DLGAP2: variants seen among roughly 807,000 people sequenced by gnomAD.
DLGAP2 encodes disks large-associated protein 2.
In DLGAP2, 26 loss-of-function variants were observed where a neutral mutation model predicts 100.3. The ratio of observed to expected loss-of-function variants is 0.26; its 90% CI spans 0.19 to 0.36. DLGAP2 has a LOEUF of 0.36. Ranked by LOEUF, DLGAP2 falls within the 10% of genes least tolerant of loss-of-function variation. The probability of loss-of-function intolerance (pLI) is 1.00; values close to 1 mark genes in which losing one functional copy is unlikely to be tolerated. For synonymous variants in DLGAP2, 886 were observed against 630.1 expected (o/e 1.41, Z -6.08); for missense variants, 1,858 against 1,453.2 (o/e 1.28, Z -4.53).
At chr8:1,632,219 G>A (rs1363697184) in intron 7 of DLGAP2, among the ~76,000 whole-genome samples, 3 of 152,268 alleles carry the variant, frequency 2.0e-5, no homozygotes, top group Non-Finnish European at 4.4e-5. Context: ...TCATGTGGAC[G>A]AAAACACCAG....
Position 777,891 on chromosome 8 carries a change from C to T in DLGAP2, c.18+40066C>T, listed in dbSNP as rs557688503. Among the ~76,000 whole-genome samples, 1,047 of 152,210 alleles carry T rather than the reference C, an allele frequency of 6.9e-3. 9 individuals are homozygous for T. Among genetic ancestry groups the T allele is most frequent in the African/African-American group, 0.021 (877 of 41,508 alleles). On this transcript the variant is annotated intron_variant, in intron 1 of 14. Transcript: ENST00000637795. ...CTCTGTGTTTCCTGAATCTGAACGTCGGCCTGCCTTGCTAGATTGGGGAAG... is the reference window on the plus strand; with the variant it reads ...CTCTGTGTTTCCTGAATCTGAACGTTGGCCTGCCTTGCTAGATTGGGGAAG...
At chr8:1,040,519 G>A (rs893911176) in intron 2 of DLGAP2, among the ~76,000 whole-genome samples, 3 of 147,030 alleles carry the variant, frequency 2.0e-5, no homozygotes, top group Admixed American at 6.8e-5. Flanking sequence ...TGGTTGGCTC[G>A]GTTTCCGTGG....
chr8:1,437,050 T>C (rs957001640), intron 3 of DLGAP2, among the ~76,000 whole-genome samples: 74 of 149,238 alleles, frequency 5.0e-4, no homozygotes, highest in Admixed American at 6.0e-4. Context: ...CGCGTAAGGG[T>C]GACGCCATCC....
At chr8:1,646,445 T>G (rs1404023013) in intron 8 of DLGAP2, among the ~76,000 whole-genome samples, 1 of 152,188 alleles carries the variant, frequency 6.6e-6, no homozygotes, top group Non-Finnish European at 1.5e-5. Flanking sequence ...CTATCGTCTG[T>G]CCATCCATCC....
chr8:807,188 C>A (rs1796286545), intron 1 of DLGAP2, among the ~76,000 whole-genome samples: 1 of 152,236 alleles, frequency 6.6e-6, no homozygotes, highest in African/African-American at 2.4e-5. Context: ...ACTCCGAGTT[C>A]TTCTCTGGTG....
chr8:1,671,674 G>A (rs1171861215), intron 10 of DLGAP2, among the ~76,000 whole-genome samples: 1 of 152,224 alleles, frequency 6.6e-6, no homozygotes, highest in Non-Finnish European at 1.5e-5. Flanking sequence ...AGGGTCCTCA[G>A]CTCACACCTC....
In DLGAP2 at chr8:1,214,970, C is replaced by T. The variant is rs767087066; in HGVS notation, c.74-43881C>T. On this transcript the variant is annotated intron_variant, in intron 2 of 14. Coordinates refer to ENST00000637795, the MANE Select transcript of DLGAP2 (RefSeq NM_001346810.2). ...TGCGTTTAAAAATGCAGTGCAATCT[C>T]GTTTCGGGAGAGCACTCTGTGCTCT... Among the ~76,000 whole-genome samples, 4 of 152,296 alleles carry T rather than the reference C, an allele frequency of 2.6e-5. No individual in the cohort carries two copies. In the South Asian group the frequency reaches 8.3e-4, roughly 32 times the overall value.
At chr8:1,618,916 T>A in intron 6 of DLGAP2, among the ~76,000 whole-genome samples, 1 of 152,066 alleles carries the variant, frequency 6.6e-6, no homozygotes, top group East Asian at 1.9e-4. Context: ...ACTCAAAATA[T>A]CTCCATACAT....
chr8:1,430,184 C>A (rs1179535476), intron 3 of DLGAP2, among the ~76,000 whole-genome samples: 1 of 150,930 alleles, frequency 6.6e-6, no homozygotes, highest in Non-Finnish European at 1.5e-5. Flanking sequence ...ACATTCTCTG[C>A]AAAAATACTT....
At chr8:1,197,039 G>C (rs1797766452) in intron 2 of DLGAP2, among the ~76,000 whole-genome samples, 1 of 152,172 alleles carries the variant, frequency 6.6e-6, no homozygotes, top group South Asian at 2.1e-4. Flanking sequence ...TGGTCAGGAG[G>C]AGATGGAGGC....
intron 3 of DLGAP2, among the ~76,000 whole-genome samples, chr8:1,261,769 A>G (rs1799355557): frequency 6.6e-6 from 1 of 152,240 alleles, no homozygotes; most frequent in South Asian, 2.1e-4. Flanking sequence ...TATTTTTAAA[A>G]TCATTTAAGT....
At chr8:1,501,469 G>A (rs1180508183) in intron 4 of DLGAP2, 38 bp downstream of exon 4, 21 of 1,530,418 alleles carry the variant, frequency 1.4e-5, no homozygotes, top group South Asian at 2.4e-5. Context: ...GGCGGGGCCC[G>A]GACAGAACCG....
chr8:1,488,010 A>G (rs1167592611), intron 3 of DLGAP2, among the ~76,000 whole-genome samples: 1 of 138,798 alleles, frequency 7.2e-6, no homozygotes, highest in Non-Finnish European at 1.6e-5. Context: ...TCGCTTTGAA[A>G]GGAGTTTCCA....
chr8:838,413 T>A (rs1173041812), intron 1 of DLGAP2, among the ~76,000 whole-genome samples: 1 of 151,844 alleles, frequency 6.6e-6, no homozygotes. Flanking sequence ...TATTTTATTT[T>A]ATTTTAATTT....
At chr8:1,330,502 C>A (rs1265921015) in intron 3 of DLGAP2, among the ~76,000 whole-genome samples, 1 of 136,004 alleles carries the variant, frequency 7.4e-6, no homozygotes, top group African/African-American at 2.8e-5. Context: ...GGTGGGAGCA[C>A]CGCTTCACGG....
chr8:1,586,581 A>G (rs907747609), intron 6 of DLGAP2, among the ~76,000 whole-genome samples: 4 of 152,176 alleles, frequency 2.6e-5, no homozygotes. Context: ...TGCAACCTTC[A>G]TGCCCGCTTG....
In DLGAP2 at chr8:1,378,466, C is replaced by T. The variant is rs555807989; in HGVS notation, c.106+119583C>T. On this transcript the variant is annotated intron_variant, in intron 3 of 14. Transcript: ENST00000637795. ...TGTCCATCCTGCGCACACCTGACTT[C>T]GCCTGTCCATCCTGCACACACCTGG... Among the ~76,000 whole-genome samples the T allele has an allele frequency of 9.2e-5, 14 of 151,736 alleles. No homozygotes were observed. In the East Asian group the frequency reaches 1.8e-3, roughly 19 times the overall value.
At chr8:1,630,037 G>A (rs79215594) in intron 7 of DLGAP2, among the ~76,000 whole-genome samples, 96 of 152,302 alleles carry the variant, frequency 6.3e-4, no homozygotes, top group African/African-American at 2.3e-3. Flanking sequence ...CAAGTTGGGT[G>A]CTTGGGGGTT....
chr8:880,222 C>A (rs1390109900), intron 1 of DLGAP2, among the ~76,000 whole-genome samples: 1 of 152,194 alleles, frequency 6.6e-6, no homozygotes, highest in African/African-American at 2.4e-5. Flanking sequence ...GTTCCTCCGT[C>A]CCTCTTTTTG....
Sources: allele counts gnomAD v4.1 joint callset (sites outside exome capture counted in the v4.1 genomes callset), GRCh38; gene constraint gnomAD v4.1.1; transcripts MANE v1.5; gene names NCBI Gene and HGNC (gene_info 2026-07-23, HGNC 2026-07-21).